FNBP1L: variants seen among roughly 807,000 people sequenced by gnomAD.
FNBP1L encodes formin binding protein 1 like.
FNBP1L carries 36 observed loss-of-function variants against 91.2 expected under a neutral mutation model. The observed-to-expected ratio is 0.39, with a 90% CI of 0.30 to 0.52. The LOEUF (loss-of-function observed/expected upper bound fraction) is 0.52, where lower values mean the gene tolerates loss of function less well. FNBP1L is among the 20% of genes least tolerant of loss of function. FNBP1L has a pLI of 0.66. For synonymous variants in FNBP1L, 242 were observed against 237.0 expected (o/e 1.02, Z -0.19); for missense variants, 571 against 732.1 (o/e 0.78, Z 2.54).
intron 2 of FNBP1L, among the ~76,000 whole-genome samples, chr1:93,506,091 G>T (rs976639119): frequency 6.6e-6 from 1 of 152,092 alleles, no homozygotes; most frequent in Admixed American, 6.5e-5. Context: ...AGTATAATGA[G>T]AAATTTATTT....
intron 2 of FNBP1L, among the ~76,000 whole-genome samples, chr1:93,515,861 A>G (rs910195913): frequency 6.6e-6 from 1 of 152,086 alleles, no homozygotes; most frequent in Non-Finnish European, 1.5e-5. Flanking sequence ...ACATGTATAC[A>G]TATGTAGCTA....
intron 1 of FNBP1L, among the ~76,000 whole-genome samples, chr1:93,477,223 A>G (rs1250951946): frequency 6.6e-6 from 1 of 152,254 alleles, no homozygotes; most frequent in Non-Finnish European, 1.5e-5. Context: ...GAGTAGAATG[A>G]TGGCAATAGA....
chr1:93,551,518 C>T, intron 16 of FNBP1L: 1 of 986,128 alleles, frequency 1.0e-6, no homozygotes, highest in Non-Finnish European at 1.2e-6. Flanking sequence ...CTCTGAAATG[C>T]TATGGAAAGC....
intron 1 of FNBP1L, among the ~76,000 whole-genome samples, chr1:93,491,335 T>G (rs1670082538): frequency 6.6e-6 from 1 of 152,078 alleles, no homozygotes; most frequent in African/African-American, 2.4e-5. Flanking sequence ...CTCATGTTTC[T>G]GGAATTGTTT....
At chr1:93,479,055 A>G (rs562081809) in intron 1 of FNBP1L, among the ~76,000 whole-genome samples, 45 of 152,364 alleles carry the variant, frequency 3.0e-4, no homozygotes, top group South Asian at 2.5e-3. Flanking sequence ...CAATATTTCA[A>G]CGTAGGTTCT....
At chr1:93,497,375 T>C (rs1670300654) in intron 1 of FNBP1L, among the ~76,000 whole-genome samples, 2 of 152,234 alleles carry the variant, frequency 1.3e-5, no homozygotes, top group Non-Finnish European at 1.5e-5. Context: ...CATAAACCTT[T>C]GCATATTGGC....
intron 1 of FNBP1L, among the ~76,000 whole-genome samples, chr1:93,455,298 TC>T (rs1668623264): frequency 6.6e-6 from 1 of 152,202 alleles, no homozygotes; most frequent in Admixed American, 6.5e-5. Flanking sequence ...GCTCAAGCGA[TC>T]CTCCTGCGTC....
chr1:93,522,220 C>G, intron 3 of FNBP1L, 85 bp downstream of exon 3: 1 of 596,916 alleles, frequency 1.7e-6, no homozygotes, highest in Non-Finnish European at 2.5e-6. Context: ...ATATTCTTAG[C>G]TTTTTATAAA....
intron 1 of FNBP1L, among the ~76,000 whole-genome samples, chr1:93,484,456 C>G (rs1373665961): frequency 1.3e-5 from 2 of 152,182 alleles, no homozygotes; most frequent in Admixed American, 6.5e-5. Context: ...CAAAGGGATG[C>G]TTAGCCCTGT....
chr1:93,508,484 G>C (rs574764405), intron 2 of FNBP1L, among the ~76,000 whole-genome samples: 1 of 152,296 alleles, frequency 6.6e-6, no homozygotes, highest in Non-Finnish European at 1.5e-5. Context: ...GGAGTCTTTA[G>C]TGACCTGTGT....
intron 14 of FNBP1L, among the ~76,000 whole-genome samples, chr1:93,548,537 A>G (rs1325646183): frequency 6.6e-6 from 1 of 152,296 alleles, no homozygotes; most frequent in Non-Finnish European, 1.5e-5. Flanking sequence ...TCAGTGACAG[A>G]ATGAATACTT....
In FNBP1L at chr1:93,489,195, G is replaced by T. The variant is rs554743288; in HGVS notation, c.25-10273G>T. On this transcript the variant is annotated intron_variant, in intron 1 of 16. Transcript: ENST00000271234. The stretch of plus-strand genomic sequence containing the variant: ...GGTTGAAATTTGGCAAAGCTAGAGA[G>T]GGGCAAGGACAGTGAGTATATTTGG... Among the ~76,000 whole-genome samples the T allele has an allele frequency of 2.8e-4, 43 of 152,272 alleles. 1 individual carries two copies. In the South Asian group the frequency reaches 8.5e-3, roughly 30 times the overall value.
intron 1 of FNBP1L, among the ~76,000 whole-genome samples, chr1:93,494,061 A>T (rs1293670541): frequency 1.3e-5 from 2 of 152,158 alleles, no homozygotes; most frequent in Non-Finnish European, 2.9e-5. Flanking sequence ...TACCGCCTGG[A>T]CTTCAAGCAT....
At chr1:93,486,966 C>G (rs1388170239) in intron 1 of FNBP1L, among the ~76,000 whole-genome samples, 1 of 152,194 alleles carries the variant, frequency 6.6e-6, no homozygotes, top group East Asian at 1.9e-4. Context: ...TATCCTTTCT[C>G]TCCTTTCAAG....
At position 93,522,134 on chromosome 1, in the gene FNBP1L, C is replaced by T. The variant is rs774614978; in HGVS notation, c.193C>T (p.Arg65Trp). Reference protein sequence around the residue: ...PKRSSKDEEPRFTSCVAFFNI... With the variant: ...PKRSSKDEEPWFTSCVAFFNI... ...ACGTTCATCCAAAGATGAAGAGCCA[C>T]GGTAAATTACATACCTGTTCATTAA... The change falls in exon 3 of 17, where the codon CGG becomes TGG. Residue 65 changes from arginine to tryptophan, a missense_variant and splice_region_variant. Arg to Trp is a moderately radical substitution (Grantham distance 101). Coordinates refer to ENST00000271234, the MANE Select transcript of FNBP1L (RefSeq NM_001164473.3). 17 of 1,491,832 alleles carry T rather than the reference C, an allele frequency of 1.1e-5. No individual in the cohort carries two copies. The highest frequency in any genetic ancestry group is 5.7e-5 in the African/African-American group (4 of 70,202). The allele number at this position is 1,491,832 out of a possible 1,614,324, so 92.4% of individuals were successfully genotyped here.
At chr1:93,507,141 TCTCTC>T (rs1218473822) in intron 2 of FNBP1L, among the ~76,000 whole-genome samples, 74 of 144,478 alleles carry the variant, frequency 5.1e-4, no homozygotes, top group Admixed American at 1.0e-3. Flanking sequence ...TCTCTCTCTC[TCTCTC>T]TCTCTTTCTC....
intron 6 of FNBP1L, among the ~76,000 whole-genome samples, chr1:93,529,986 G>A (rs1570852282): frequency 6.6e-6 from 1 of 152,114 alleles, no homozygotes; most frequent in African/African-American, 2.4e-5. Context: ...GAGGAAAGAC[G>A]TAGTTGCTAC....
At chr1:93,535,077 T>C (rs1393411379) in intron 9 of FNBP1L, among the ~76,000 whole-genome samples, 169 bp downstream of exon 9, 1 of 152,172 alleles carries the variant, frequency 6.6e-6, no homozygotes, top group East Asian at 1.9e-4. Context: ...GTAACAGTTA[T>C]TTATGGATTT....
At chr1:93,463,322 T>A (rs1310690236) in intron 1 of FNBP1L, among the ~76,000 whole-genome samples, 1 of 152,188 alleles carries the variant, frequency 6.6e-6, no homozygotes, top group Non-Finnish European at 1.5e-5. Flanking sequence ...CTGGGTATGC[T>A]CATTGCTACT....
Sources: allele counts gnomAD v4.1 joint callset (sites outside exome capture counted in the v4.1 genomes callset), GRCh38; gene constraint gnomAD v4.1.1; transcripts MANE v1.5; gene names NCBI Gene and HGNC (gene_info 2026-07-23, HGNC 2026-07-21).